Variants in POLR2D observed in about 807,000 individuals in gnomAD.
POLR2D encodes RNA polymerase II subunit D.
A neutral mutation model predicts 17.6 loss-of-function variants in POLR2D; 10 were observed. The ratio of observed to expected loss-of-function variants is 0.57; its 90% CI spans 0.35 to 0.96. The LOEUF (loss-of-function observed/expected upper bound fraction) is 0.96. POLR2D is among the 40% of genes least tolerant of loss of function. The pLI is 0.02. For missense variants in POLR2D, 126 were observed against 176.4 expected, an observed-to-expected ratio of 0.71 and a Z score of 1.62; for synonymous variants, 52 against 60.2, an observed-to-expected ratio of 0.86 and a Z score of 0.63.
At position 127,845,922 on chromosome 2, in the gene POLR2D, C is replaced by A. The variant is rs1241743467; in HGVS notation, c.*2185G>T. 1 of 152,148 alleles carries A rather than the reference C, an allele frequency of 6.6e-6. No homozygotes were observed. The highest frequency in any genetic ancestry group is 2.4e-5 in the African/African-American group (1 of 41,408). The allele number at this position is 152,148 out of a possible 1,614,324, so 9.4% of individuals were successfully genotyped here. A position where few individuals can be genotyped will look rare whatever the true frequency, so the allele number is the denominator to read the frequency against. On this transcript the variant is annotated 3_prime_UTR_variant, in exon 4 of 4. Transcript: ENST00000272645. The stretch of plus-strand genomic sequence containing the variant: ...GGCAGATACTATTATCCATATTTCA[C>A]AATTGAGAACACCAATGAGGCTCAA...
rs145943363 is a variant in POLR2D, at chr2:127,856,518, G to C, written c.73+1510C>G. Among the ~76,000 whole-genome samples the C allele has an allele frequency of 5.0e-3, 743 of 149,042 alleles. 3 individuals are homozygous for C. Among genetic ancestry groups the C allele is most frequent in the African/African-American group, 0.018 (714 of 40,540 alleles). On this transcript the variant is annotated intron_variant, in intron 1 of 3. Coordinates refer to ENST00000272645, the MANE Select transcript of POLR2D (RefSeq NM_004805.4). Reference sequence around the variant, plus strand: ...GGCAGGATGGCTTGAAACTAGGAGGGGTAGGTTGCAGTGAGCCGAGATCAC... The same window carrying C: ...GGCAGGATGGCTTGAAACTAGGAGGCGTAGGTTGCAGTGAGCCGAGATCAC...
At position 127,844,334 on chromosome 2, in the gene POLR2D, C is replaced by T. The variant is rs1424038740; in HGVS notation, c.*3773G>A. ...CCCAGTCTAAGGTATTCTGTTACAG[C>T]GCAGGAACAAACTAAGACACTAAAA... On this transcript the variant is annotated 3_prime_UTR_variant, in exon 4 of 4. Transcript: ENST00000272645. 6.6e-6 allele frequency: 1 copy of T among 152,116 alleles called. No individual in the cohort carries two copies. The highest frequency in any genetic ancestry group is 1.9e-4 in the East Asian group (1 of 5,194). The allele number at this position is 152,116 out of a possible 1,614,324, so 9.4% of individuals were successfully genotyped here.
At position 127,852,891 on chromosome 2, in the gene POLR2D, TTTGGA is replaced by T. The variant is rs1293092958; in HGVS notation, c.254+29_254+33del. ...CATTCTACATGCAGTTGTCCAATGG[TTTGGA>T]TTAATAAAAACTTTCTTTTAGCACT... is the stretch of plus-strand genomic sequence containing the variant. On this transcript the variant is annotated intron_variant, in intron 2 of 3. Transcript: ENST00000272645. The surrounding 1 kb of genome is among the most constrained non-coding windows in gnomAD (Gnocchi z 4.0). 6.7e-7 allele frequency: 1 copy of T among 1,490,976 alleles called. No homozygotes were observed. The allele number at this position is 1,490,976 out of a possible 1,614,324, so 92.4% of individuals were successfully genotyped here. A position where few individuals can be genotyped will look rare whatever the true frequency, so the allele number is the denominator to read the frequency against.
At chr2:127,849,077 G>A (rs551170986) in intron 3 of POLR2D, among the ~76,000 whole-genome samples, 8 of 150,406 alleles carry the variant, frequency 5.3e-5, no homozygotes, top group South Asian at 2.1e-4. Flanking sequence ...ACAGAGTGTC[G>A]CTCTATTGCC....
Position 127,848,056 on chromosome 2 carries a change from G to C in POLR2D, c.*51C>G. The C allele has an allele frequency of 1.7e-6, 2 of 1,144,744 alleles. No homozygotes were observed. The highest frequency in any genetic ancestry group is 2.7e-6 in the Non-Finnish European group (2 of 751,434). The allele number at this position is 1,144,744 out of a possible 1,614,324, so 70.9% of individuals were successfully genotyped here. A position where few individuals can be genotyped will look rare whatever the true frequency, so the allele number is the denominator to read the frequency against. On this transcript the variant is annotated 3_prime_UTR_variant, in exon 4 of 4. Transcript: ENST00000272645. Reference sequence around the variant, plus strand: ...AGTCAGCCCCAGACAGTGGGAAGGTGGTGTTATGCCTGGGGATGTGGTTTC... The same window carrying C: ...AGTCAGCCCCAGACAGTGGGAAGGTCGTGTTATGCCTGGGGATGTGGTTTC...
Position 127,847,006 on chromosome 2 carries a change from T to C in POLR2D, c.*1101A>G, listed in dbSNP as rs1690168318. Reference sequence around the variant, plus strand: ...TTGGGCACACAACAACCACAGTTCATACAGCAAATGGGCTGCAGTGAACAG... The same window carrying C: ...TTGGGCACACAACAACCACAGTTCACACAGCAAATGGGCTGCAGTGAACAG... On this transcript the variant is annotated 3_prime_UTR_variant, in exon 4 of 4. Transcript: ENST00000272645. 1 of 152,698 alleles carries C rather than the reference T, an allele frequency of 6.5e-6. No individual in the cohort carries two copies. The highest frequency in any genetic ancestry group is 1.5e-5 in the Non-Finnish European group (1 of 68,070). 9.5% of individuals were successfully genotyped at this position (152,698 alleles called of 1,614,324 possible). A position where few individuals can be genotyped will look rare whatever the true frequency, so the allele number is the denominator to read the frequency against.
rs1158710785 is a variant in POLR2D at position 127,848,143 on chromosome 2, A to C, written c.393T>G (p.Leu131=). The part of the protein sequence containing the change: ...RFEDEELQQI[L]DDIQTKRSFQ... The stretch of plus-strand genomic sequence containing the variant: ...AGCTGCGCTTTGTCTGGATATCATC[A>C]AGAATCTGCTGCAGCTCCTCATCTT... The change falls in exon 4 of 4, where the codon CTT becomes CTG. Residue 131 remains leucine (L), a synonymous_variant. Coordinates refer to ENST00000272645, the MANE Select transcript of POLR2D (RefSeq NM_004805.4). The C allele has an allele frequency of 1.9e-6, 3 of 1,612,670 alleles. No individual in the cohort carries two copies. The highest frequency in any genetic ancestry group is 2.5e-6 in the Non-Finnish European group (3 of 1,178,802).
In POLR2D at chr2:127,852,568, C is replaced by T. The variant is rs1049085918; in HGVS notation, c.254+357G>A. 2.6e-5 allele frequency among the ~76,000 whole-genome samples: 4 copies of T among 152,150 alleles called. No homozygotes were observed. The highest frequency in any genetic ancestry group is 9.7e-5 in the African/African-American group (4 of 41,430). On this transcript the variant is annotated intron_variant, in intron 2 of 3. Transcript: ENST00000272645. This position sits in a 1 kb window ranked among gnomAD's most constrained non-coding sequence, Gnocchi z 4.0. Reference sequence around the variant, plus strand: ...TGAAATTCTGGTCTTCTAAGTTGCCCAGGTTGGAGTGCAGTTGCGCAATCT... The same window carrying T: ...TGAAATTCTGGTCTTCTAAGTTGCCTAGGTTGGAGTGCAGTTGCGCAATCT...
rs1467341751 is a variant in POLR2D, at chr2:127,847,485, A to C, written c.*622T>G. 1 of 153,194 alleles carries C rather than the reference A, an allele frequency of 6.5e-6. No homozygotes were observed. The highest frequency in any genetic ancestry group is 2.4e-5 in the African/African-American group (1 of 41,396). The allele number at this position is 153,194 out of a possible 1,614,324, so 9.5% of individuals were successfully genotyped here. A position where few individuals can be genotyped will look rare whatever the true frequency, so the allele number is the denominator to read the frequency against. On this transcript the variant is annotated 3_prime_UTR_variant, in exon 4 of 4. Transcript: ENST00000272645. ...ATAGTAAAACCCCACCTCTATAAAAAATTTTAAAAATTAGCTGAGAGTTGT... is the reference window on the plus strand; with the variant it reads ...ATAGTAAAACCCCACCTCTATAAAACATTTTAAAAATTAGCTGAGAGTTGT...
Position 127,846,661 on chromosome 2 carries a change from T to G in POLR2D, c.*1446A>C, listed in dbSNP as rs1296080644. 2.0e-5 allele frequency: 3 copies of G among 152,478 alleles called. No homozygotes were observed. Among genetic ancestry groups the G allele is most frequent in the African/African-American group, 7.2e-5 (3 of 41,462 alleles). 9.4% of individuals were successfully genotyped at this position (152,478 alleles called of 1,614,324 possible). A position where few individuals can be genotyped will look rare whatever the true frequency, so the allele number is the denominator to read the frequency against. The stretch of plus-strand genomic sequence containing the variant: ...TATGAAGTAAAAAAAAAAAAAAATT[T>G]TTTTAAGTAGAATTGCAATTTTATT... On this transcript the variant is annotated 3_prime_UTR_variant, in exon 4 of 4. Coordinates refer to ENST00000272645, the MANE Select transcript of POLR2D (RefSeq NM_004805.4).
At chr2:127,856,222 T>C (rs901433750) in intron 1 of POLR2D, among the ~76,000 whole-genome samples, 3 of 139,752 alleles carry the variant, frequency 2.1e-5, no homozygotes, top group Non-Finnish European at 3.0e-5. Flanking sequence ...CTAGGGAAGG[T>C]TGAGGCTGCA....
chr2:127,851,472 A>T (rs1690252673), intron 2 of POLR2D, among the ~76,000 whole-genome samples: 1 of 152,146 alleles, frequency 6.6e-6, no homozygotes, highest in African/African-American at 2.4e-5. Flanking sequence ...TTAGCAGCTC[A>T]TGCCTGTAAT....
intron 2 of POLR2D, 64 bp from the exon 3 acceptor site, chr2:127,850,749 A>G (rs527784464): frequency 1.2e-6 from 1 of 813,542 alleles, no homozygotes; most frequent in African/African-American, 1.7e-5. Context: ...AAAATCAAAG[A>G]GTAATCAACA....
rs1284301666 is a variant in POLR2D at position 127,844,500 on chromosome 2, T to G, written c.*3607A>C. The G allele has an allele frequency of 1.3e-5, 2 of 152,214 alleles. No individual in the cohort carries two copies. Among genetic ancestry groups the G allele is most frequent in the African/African-American group, 4.8e-5 (2 of 41,458 alleles). 9.4% of individuals were successfully genotyped at this position (152,214 alleles called of 1,614,324 possible). On this transcript the variant is annotated 3_prime_UTR_variant, in exon 4 of 4. Transcript: ENST00000272645. ...ATGAGCCTAACAATGTTTCACAAAT[T>G]GTGCAAGGTCTCCTAATAGCTATTT...
rs1266156732 is a variant in POLR2D at position 127,843,799 on chromosome 2, G to T, written c.*4308C>A. 6.5e-6 allele frequency: 1 copy of T among 153,588 alleles called. No homozygotes were observed. The highest frequency in any genetic ancestry group is 2.4e-5 in the African/African-American group (1 of 41,376). 9.5% of individuals were successfully genotyped at this position (153,588 alleles called of 1,614,324 possible). A position where few individuals can be genotyped will look rare whatever the true frequency, so the allele number is the denominator to read the frequency against. On this transcript the variant is annotated 3_prime_UTR_variant, in exon 4 of 4. Transcript: ENST00000272645. ...ATGAGAGAATATCCCTCATGAAGGG[G>T]ATTAATGCCCTTATAAAAGAGGCTG...
chr2:127,850,688 A>T lies in POLR2D; in HGVS notation c.255-3T>A. ...GAAGCTTTTTCTGGAGTAGCAAGCTAATCAAAAGGAAAAAAAAAAAATCAA... is the reference window on the plus strand; with the variant it reads ...GAAGCTTTTTCTGGAGTAGCAAGCTTATCAAAAGGAAAAAAAAAAAATCAA... On this transcript the variant is annotated splice_polypyrimidine_tract_variant and splice_region_variant and intron_variant, in intron 2 of 3. Coordinates refer to ENST00000272645, the MANE Select transcript of POLR2D (RefSeq NM_004805.4). 6 of 1,384,836 alleles carry T rather than the reference A, an allele frequency of 4.3e-6. No individual in the cohort carries two copies. Among genetic ancestry groups the T allele is most frequent in the Non-Finnish European group, 5.9e-6 (6 of 1,016,292 alleles). 85.8% of individuals were successfully genotyped at this position (1,384,836 alleles called of 1,614,324 possible). A position where few individuals can be genotyped will look rare whatever the true frequency, so the allele number is the denominator to read the frequency against.
At position 127,847,212 on chromosome 2, in the gene POLR2D, C is replaced by T. The variant is rs1342473058; in HGVS notation, c.*895G>A. On this transcript the variant is annotated 3_prime_UTR_variant, in exon 4 of 4. Coordinates refer to ENST00000272645, the MANE Select transcript of POLR2D (RefSeq NM_004805.4). The stretch of plus-strand genomic sequence containing the variant: ...CAGTTCAAGAAGAAAGGCAAAGTAG[C>T]CATCTATCTCAAGGGGCTATGGGCT... 1 of 152,192 alleles carries T rather than the reference C, an allele frequency of 6.6e-6. No individual in the cohort carries two copies. The highest frequency in any genetic ancestry group is 1.5e-5 in the Non-Finnish European group (1 of 68,040). 9.4% of individuals were successfully genotyped at this position (152,192 alleles called of 1,614,324 possible).
intron 3 of POLR2D, among the ~76,000 whole-genome samples, chr2:127,848,564 T>G (rs1192763669): frequency 6.6e-6 from 1 of 152,142 alleles, no homozygotes. Flanking sequence ...TCGCCCAGGC[T>G]GGAGTGCAGT....
At chr2:127,849,054 GT>G (rs555744431) in intron 3 of POLR2D, among the ~76,000 whole-genome samples, 6 of 150,540 alleles carry the variant, frequency 4.0e-5, no homozygotes, top group Admixed American at 6.6e-5. Flanking sequence ...CCTGGCCAGA[GT>G]TTTTTTTTGG....
Sources: allele counts gnomAD v4.1 joint callset (sites outside exome capture counted in the v4.1 genomes callset), GRCh38; gene constraint gnomAD v4.1.1; non-coding constraint Gnocchi (gnomAD v3.1); transcripts MANE v1.5; gene names NCBI Gene and HGNC (gene_info 2026-07-23, HGNC 2026-07-21).